The following MGAT4C variants were observed in gnomAD, a reference collection of about 807,000 sequenced individuals.
MGAT4C encodes the protein MGAT4 family member C.
MGAT4C carries 19 observed loss-of-function variants against 40.1 expected under a neutral mutation model. The ratio of observed to expected loss-of-function variants is 0.47; its 90% CI spans 0.33 to 0.70. MGAT4C has a LOEUF of 0.70. Among genes scored for constraint, MGAT4C ranks in the 30% least tolerant of loss-of-function variants. MGAT4C has a pLI of 0.02. For missense variants in MGAT4C, 491 were observed against 563.2 expected (o/e 0.87, Z 1.30); for synonymous variants, 181 against 187.1 (o/e 0.97, Z 0.27).
At chr12:86,325,460 A>G (rs1036167946) in intron 4 of MGAT4C, among the ~76,000 whole-genome samples, 13 of 152,206 alleles carry the variant, frequency 8.5e-5, no homozygotes, top group South Asian at 2.1e-4. Context: ...TAATTTTGCA[A>G]TCAAAAAGGA....
rs544155744 is a variant in MGAT4C at position 86,467,229 on chromosome 12, C to T, written c.-228-31964G>A. ...AAAAGAAAAGAACCTTATTCTTTCT[C>T]TCTCCTCTGCAAATTATTAGTATGT... is the stretch of plus-strand genomic sequence containing the variant. On this transcript the variant is annotated intron_variant, in intron 2 of 7. Coordinates refer to the MGAT4C transcript ENST00000548651. Among the ~76,000 whole-genome samples the T allele has an allele frequency of 5.3e-5, 8 of 152,268 alleles. No individual in the cohort carries two copies. In the South Asian group the frequency reaches 1.7e-3, roughly 32 times the overall value.
chr12:86,405,274 C>G (rs1440669341), intron 3 of MGAT4C, among the ~76,000 whole-genome samples: 1 of 151,784 alleles, frequency 6.6e-6, no homozygotes, highest in Admixed American at 6.6e-5. Context: ...AAAAATGTTC[C>G]TAGAACTAAT....
chr12:86,614,728 G>T (rs1962394690), intron 2 of MGAT4C, among the ~76,000 whole-genome samples: 1 of 151,792 alleles, frequency 6.6e-6, no homozygotes, highest in South Asian at 2.1e-4. Flanking sequence ...AAACCCTGAG[G>T]CTCATTAAAT....
At chr12:86,294,824 C>T (rs1227074026) in intron 4 of MGAT4C, among the ~76,000 whole-genome samples, 1 of 152,152 alleles carries the variant, frequency 6.6e-6, no homozygotes, top group Non-Finnish European at 1.5e-5. Context: ...TCACTACTTC[C>T]AAGATTGCAA....
intron 2 of MGAT4C, among the ~76,000 whole-genome samples, chr12:86,713,444 C>T (rs1335949285): frequency 6.6e-6 from 1 of 151,950 alleles, no homozygotes; most frequent in Non-Finnish European, 1.5e-5. Flanking sequence ...GTTCTCACAT[C>T]ATAATGAATG....
At chr12:86,668,023 G>A (rs1964158276) in intron 2 of MGAT4C, among the ~76,000 whole-genome samples, 1 of 152,128 alleles carries the variant, frequency 6.6e-6, no homozygotes, top group South Asian at 2.1e-4. Flanking sequence ...TGACACAATA[G>A]CCTATGGCTT....
At chr12:86,076,804 T>C (rs1299649830) in intron 1 of MGAT4C, among the ~76,000 whole-genome samples, 1 of 152,108 alleles carries the variant, frequency 6.6e-6, no homozygotes, top group African/African-American at 2.4e-5. Context: ...TTCTGGGAGA[T>C]ACAATTCAAG....
At chr12:86,492,215 T>C (rs535056525) in intron 2 of MGAT4C, among the ~76,000 whole-genome samples, 2 of 152,180 alleles carry the variant, frequency 1.3e-5, no homozygotes, top group African/African-American at 2.4e-5. Context: ...AAAATGGCCA[T>C]ATTGCCCAAG....
chr12:86,008,485 C>G lies in MGAT4C; in HGVS notation c.-6-18933G>C, dbSNP rs190461592. Among the ~76,000 whole-genome samples the G allele has an allele frequency of 2.1e-3, 322 of 152,058 alleles. 2 individuals are homozygous for G. The highest frequency in any genetic ancestry group is 7.2e-3 in the African/African-American group (297 of 41,522). On this transcript the variant is annotated intron_variant, in intron 2 of 4. Transcript: ENST00000611864. ...TTCAATTTATTTTTCTATATTGATG[C>G]CTTGGATCCTGTGACCTTGTTAAAT...
intron 1 of MGAT4C, among the ~76,000 whole-genome samples, chr12:86,226,279 T>A (rs1951070866): frequency 6.6e-6 from 1 of 152,092 alleles, no homozygotes; most frequent in Middle Eastern, 3.4e-3. Flanking sequence ...ATAGCTCCCC[T>A]ATCAGAACCA....
intron 2 of MGAT4C, among the ~76,000 whole-genome samples, chr12:86,441,187 G>A (rs1957220428): frequency 6.6e-6 from 1 of 151,876 alleles, no homozygotes; most frequent in African/African-American, 2.4e-5. Flanking sequence ...AACAAATCTG[G>A]AGGCATGGCA....
intron 2 of MGAT4C, among the ~76,000 whole-genome samples, chr12:86,570,048 G>A (rs1035111071): frequency 1.3e-5 from 2 of 152,090 alleles, no homozygotes; most frequent in African/African-American, 2.4e-5. Flanking sequence ...AGTTGAGGGT[G>A]CAAGCAAAGG....
intron 1 of MGAT4C, among the ~76,000 whole-genome samples, chr12:86,052,940 G>A (rs1360873957): frequency 6.6e-6 from 1 of 151,942 alleles, no homozygotes; most frequent in African/African-American, 2.4e-5. Flanking sequence ...TCTATAAGCT[G>A]AGTGGTGAAA....
intron 1 of MGAT4C, among the ~76,000 whole-genome samples, chr12:86,729,826 G>A (rs1950880304): frequency 6.6e-6 from 1 of 152,000 alleles, no homozygotes; most frequent in South Asian, 2.1e-4. Context: ...TTTCTAAGTT[G>A]TTGACTTTTT....
chr12:86,574,153 T>A (rs1960473057), intron 2 of MGAT4C, among the ~76,000 whole-genome samples: 2 of 151,766 alleles, frequency 1.3e-5, no homozygotes, highest in Admixed American at 1.3e-4. Context: ...TCAGCCATAA[T>A]TATGGTATGG....
At chr12:86,402,807 G>A (rs1956393741) in intron 3 of MGAT4C, among the ~76,000 whole-genome samples, 3 of 152,120 alleles carry the variant, frequency 2.0e-5, no homozygotes, top group African/African-American at 7.2e-5. Flanking sequence ...TTGAGAAATT[G>A]CAGCATTACT....
At chr12:86,043,054 G>A (rs1892030110) in intron 2 of MGAT4C, among the ~76,000 whole-genome samples, 1 of 151,878 alleles carries the variant, frequency 6.6e-6, no homozygotes, top group African/African-American at 2.4e-5. Context: ...ATGAGTCTTG[G>A]GGATGGTCAT....
At chr12:86,500,319 A>G (rs1958317892) in intron 2 of MGAT4C, among the ~76,000 whole-genome samples, 1 of 151,842 alleles carries the variant, frequency 6.6e-6, no homozygotes. Flanking sequence ...TATGTAAATG[A>G]TAAAATCCAA....
rs117946216 is a variant in MGAT4C, at chr12:86,801,919, A to C, written c.-262+36747T>G. On this transcript the variant is annotated intron_variant, in intron 1 of 7. Transcript: ENST00000548651. The stretch of plus-strand genomic sequence containing the variant: ...GCAGATTTTAGTGATTTGCCATGGG[A>C]ATTTTTTTAAACCTTATGTAAATAT... Among the ~76,000 whole-genome samples, 26 of 151,900 alleles carry C rather than the reference A, an allele frequency of 1.7e-4. No homozygotes were observed. The East Asian group carries it at 3.7e-3, about 22-fold the overall frequency.
Sources: gnomAD v4.1 joint callset for allele counts (sites outside exome capture counted in the v4.1 genomes callset) on GRCh38, gnomAD v4.1.1 for gene constraint, MANE v1.5 for transcripts, NCBI Gene and HGNC (gene_info 2026-07-23, HGNC 2026-07-21) for gene names.